Variants in NAV3 observed in about 807,000 individuals in gnomAD.
NAV3 encodes pore membrane and/or filament interacting like protein 1.
A neutral mutation model predicts 244.7 loss-of-function variants in NAV3; 87 were observed. The observed-to-expected ratio is 0.36, with a 90% CI of 0.30 to 0.42. The LOEUF (loss-of-function observed/expected upper bound fraction) is 0.42. Ranked by LOEUF, NAV3 falls within the 20% of genes least tolerant of loss-of-function variation. NAV3 has a pLI of 1.00. For missense variants in NAV3, 2,663 were observed against 2,893.3 expected, an observed-to-expected ratio of 0.92 and a Z score of 1.83; for synonymous variants, 1,126 against 1,042.2, an observed-to-expected ratio of 1.08 and a Z score of -1.55.
chr12:77,895,308 A>T (rs1044605399), intron 1 of NAV3, among the ~76,000 whole-genome samples: 15 of 56,108 alleles, frequency 2.7e-4, no homozygotes, highest in Admixed American at 5.8e-4. Context: ...GTTTAGAATG[A>T]TTGTGTGTGT....
In NAV3 at chr12:78,007,444, A is replaced by G. The variant is rs1380811035; in HGVS notation, c.1906A>G (p.Arg636Gly). Residue 636 changes from arginine (R) to glycine (G), a missense_variant and splice_region_variant, in exon 8 of 40, where the codon AGG becomes GGG. Coordinates refer to ENST00000397909, the MANE Select transcript of NAV3 (RefSeq NM_001024383.2). ...CGCGACAGTGGCACCATTCATTTAC[A>G]GGTAAGGTGGCCTCTGTTTATCCAC... ...NTATVAPFIY[R>G]AHSENEGTAL... The G allele has an allele frequency of 1.2e-6, 2 of 1,611,998 alleles. No homozygotes were observed. Among genetic ancestry groups the G allele is most frequent in the African/African-American group, 2.7e-5 (2 of 74,886 alleles).
chr12:77,580,254 ACACACAC>A (rs1565723123), intron 2 of NAV3, among the ~76,000 whole-genome samples: 416 of 151,358 alleles, frequency 2.7e-3, no homozygotes, highest in African/African-American at 9.5e-3. Flanking sequence ...ACACACACAC[ACACACAC>A]AAAGATGGAA....
At chr12:78,062,562 A>C (rs963878485) in intron 12 of NAV3, among the ~76,000 whole-genome samples, 3 of 152,110 alleles carry the variant, frequency 2.0e-5, no homozygotes, top group South Asian at 4.1e-4. Context: ...TCAGTGCTCC[A>C]TGAGCTTTTT....
chr12:77,790,081 C>G (rs1871117292), intron 2 of NAV3, among the ~76,000 whole-genome samples: 2 of 152,134 alleles, frequency 1.3e-5, no homozygotes, highest in Non-Finnish European at 2.9e-5. Flanking sequence ...ACTTCTCTTA[C>G]CACCACAGCA....
intron 6 of NAV3, among the ~76,000 whole-genome samples, chr12:77,995,763 A>G (rs1371125342): frequency 6.6e-6 from 1 of 152,166 alleles, no homozygotes; most frequent in African/African-American, 2.4e-5. Context: ...AAATTTTAAA[A>G]GGTATTTAAT....
intron 18 of NAV3, among the ~76,000 whole-genome samples, chr12:78,134,759 A>G (rs969694725): frequency 5.3e-5 from 8 of 152,158 alleles, no homozygotes; most frequent in Non-Finnish European, 7.4e-5. Context: ...GTCTCACAAT[A>G]ATAGTATTTA....
intron 9 of NAV3, among the ~76,000 whole-genome samples, chr12:78,022,674 G>A (rs1193748519): frequency 1.3e-5 from 2 of 151,920 alleles, no homozygotes; most frequent in Admixed American, 1.3e-4. Context: ...AAAAATTACT[G>A]TGTACTCCAA....
intron 1 of NAV3, among the ~76,000 whole-genome samples, chr12:77,871,902 C>A (rs1477248736): frequency 6.6e-6 from 1 of 152,136 alleles, no homozygotes; most frequent in Non-Finnish European, 1.5e-5. Context: ...ACACTCCCAC[C>A]AACAGTGTAA....
At chr12:78,048,226 A>G (rs1417618813) in intron 9 of NAV3, among the ~76,000 whole-genome samples, 1 of 151,722 alleles carries the variant, frequency 6.6e-6, no homozygotes. Flanking sequence ...AATTCGTCAA[A>G]CTCATACTCT....
At chr12:77,892,197 G>A (rs1884015207) in intron 1 of NAV3, among the ~76,000 whole-genome samples, 1 of 152,144 alleles carries the variant, frequency 6.6e-6, no homozygotes, top group Non-Finnish European at 1.5e-5. Context: ...AATGATCAAA[G>A]ATTGACTTAT....
At chr12:78,135,353 C>T (rs1956328749) in intron 18 of NAV3, among the ~76,000 whole-genome samples, 2 of 152,052 alleles carry the variant, frequency 1.3e-5, no homozygotes, top group Admixed American at 1.3e-4. Context: ...GTGTAATTTC[C>T]AATGCAGAAG....
chr12:78,118,034 C>G lies in NAV3; in HGVS notation c.2777C>G (p.Thr926Arg), dbSNP rs1391797254. 1 of 1,603,740 alleles carries G rather than the reference C, an allele frequency of 6.2e-7. No individual in the cohort carries two copies. Among genetic ancestry groups the G allele is most frequent in the Non-Finnish European group, 8.5e-7 (1 of 1,174,996 alleles). The change falls in exon 14 of 40, where the codon ACA (threonine) becomes AGA (arginine). Residue 926 changes from threonine to arginine, a missense_variant. Physicochemically the swap from Thr to Arg is moderately conservative, Grantham distance 71 (BLOSUM62 -1). Coordinates refer to ENST00000397909, the MANE Select transcript of NAV3 (RefSeq NM_001024383.2). ...VPSRKNTQLRTDSEKRSTTDE... is the reference protein window; with the variant it reads ...VPSRKNTQLRRDSEKRSTTDE... ...TAATATTTGTCTTTATAGCTGAGGA[C>G]AGATTCAGAGAAACGCTCCACCACA... is the stretch of plus-strand genomic sequence containing the variant.
At chr12:78,120,680 T>G (rs1167492539) in intron 15 of NAV3, among the ~76,000 whole-genome samples, 2 of 152,162 alleles carry the variant, frequency 1.3e-5, no homozygotes, top group Non-Finnish European at 1.5e-5. Context: ...TACCCATGTG[T>G]TTTTAAGTGG....
At chr12:77,726,547 CAG>C (rs1876886551) in intron 2 of NAV3, among the ~76,000 whole-genome samples, 2 of 151,330 alleles carry the variant, frequency 1.3e-5, no homozygotes, top group Non-Finnish European at 2.9e-5. Flanking sequence ...ACAGTGGAGA[CAG>C]GGTACCATAA....
At chr12:77,728,556 A>C (rs1876983015) in intron 2 of NAV3, among the ~76,000 whole-genome samples, 1 of 151,988 alleles carries the variant, frequency 6.6e-6, no homozygotes, top group Admixed American at 6.6e-5. Context: ...AAAACACATC[A>C]ATAGGGTAAT....
intron 16 of NAV3, among the ~76,000 whole-genome samples, chr12:78,125,870 C>G (rs528369721): frequency 2.0e-5 from 3 of 152,006 alleles, no homozygotes; most frequent in African/African-American, 7.3e-5. Flanking sequence ...TTTTATACAA[C>G]TGGATGAGTT....
At chr12:77,669,253 G>A (rs942820021) in intron 2 of NAV3, among the ~76,000 whole-genome samples, 4 of 152,010 alleles carry the variant, frequency 2.6e-5, no homozygotes, top group Non-Finnish European at 5.9e-5. Flanking sequence ...CCTCCTTAAA[G>A]CATAAATCTC....
chr12:77,641,185 C>T (rs899615528), intron 2 of NAV3, among the ~76,000 whole-genome samples: 15 of 151,812 alleles, frequency 9.9e-5, no homozygotes, highest in South Asian at 2.1e-4. Context: ...CTTTTTTTCT[C>T]AAAAGCATTT....
chr12:77,960,111 G>A (rs1800853066), intron 3 of NAV3, among the ~76,000 whole-genome samples: 1 of 151,816 alleles, frequency 6.6e-6, no homozygotes, highest in Non-Finnish European at 1.5e-5. Context: ...AATGTGAGAA[G>A]AGAGACATCA....
Sources: gnomAD v4.1 joint callset for allele counts (sites outside exome capture counted in the v4.1 genomes callset) on GRCh38, gnomAD v4.1.1 for gene constraint, MANE v1.5 for transcripts, NCBI Gene and HGNC (gene_info 2026-07-23, HGNC 2026-07-21) for gene names.